Variants in L3MBTL4 observed in about 807,000 individuals in gnomAD.
The protein encoded by L3MBTL4 is L3MBTL histone methyl-lysine binding protein 4.
L3MBTL4 carries 70 observed loss-of-function variants against 84.5 expected under a neutral mutation model. The ratio of observed to expected loss-of-function variants is 0.83; its 90% CI spans 0.68 to 1.01. The LOEUF (loss-of-function observed/expected upper bound fraction) is 1.01, where lower values mean the gene tolerates loss of function less well. L3MBTL4 is among the 50% of genes least tolerant of loss of function. The pLI is 0.00. For synonymous variants in L3MBTL4, 274 were observed against 259.8 expected, an observed-to-expected ratio of 1.05 and a Z score of -0.52; for missense variants, 715 against 754.8, an observed-to-expected ratio of 0.95 and a Z score of 0.62.
At chr18:6,411,045 C>A (rs1568622996) in intron 1 of L3MBTL4, among the ~76,000 whole-genome samples, 3 of 152,140 alleles carry the variant, frequency 2.0e-5, no homozygotes, top group African/African-American at 4.8e-5. Context: ...TGGAAAAAAT[C>A]GTTTGTATTT....
intron 4 of L3MBTL4, among the ~76,000 whole-genome samples, chr18:6,296,340 A>T (rs2050109207): frequency 3.3e-5 from 5 of 152,226 alleles, no homozygotes; most frequent in Admixed American, 3.3e-4. Context: ...TGACTTCAGT[A>T]TAGTAAAGGA....
intron 1 of L3MBTL4, among the ~76,000 whole-genome samples, chr18:6,326,170 C>T (rs942882871): frequency 2.0e-5 from 3 of 152,130 alleles, no homozygotes; most frequent in Non-Finnish European, 4.4e-5. Flanking sequence ...ATTTCTAACT[C>T]CACTGAATGA....
At chr18:6,054,630 G>A (rs2056952369) in intron 16 of L3MBTL4, among the ~76,000 whole-genome samples, 1 of 152,056 alleles carries the variant, frequency 6.6e-6, no homozygotes, top group African/African-American at 2.4e-5. Context: ...TCCCAGCCCT[G>A]TGCTGCCCTT....
At chr18:6,026,133 A>G (rs1296717010) in intron 16 of L3MBTL4, among the ~76,000 whole-genome samples, 1 of 152,218 alleles carries the variant, frequency 6.6e-6, no homozygotes, top group Non-Finnish European at 1.5e-5. Flanking sequence ...TCTTTCTACA[A>G]TGAACATTCT....
intron 16 of L3MBTL4, chr18:6,029,508 T>TACAG (rs1165594485): frequency 1.0e-6 from 1 of 983,102 alleles, no homozygotes; most frequent in Non-Finnish European, 1.2e-6. Flanking sequence ...AATCTTTCCA[T>TACAG]ACAGACAATC....
chr18:6,284,361 CAT>C (rs1465046657), intron 4 of L3MBTL4, among the ~76,000 whole-genome samples: 1 of 152,206 alleles, frequency 6.6e-6, no homozygotes, highest in African/African-American at 2.4e-5. Context: ...ACGGAGCCCA[CAT>C]GTCAGACCCA....
intron 16 of L3MBTL4, among the ~76,000 whole-genome samples, chr18:6,061,770 T>C (rs2057230046): frequency 2.0e-5 from 3 of 151,972 alleles, no homozygotes; most frequent in Admixed American, 2.0e-4. Flanking sequence ...TCTTATCATA[T>C]CAATTATACT....
At chr18:6,021,281 T>C (rs1431988621) in intron 16 of L3MBTL4, among the ~76,000 whole-genome samples, 1 of 152,214 alleles carries the variant, frequency 6.6e-6, no homozygotes, top group Non-Finnish European at 1.5e-5. Flanking sequence ...AAGGAATATC[T>C]TGAACCCAAG....
chr18:6,234,548 C>A (rs1204605341), intron 10 of L3MBTL4, among the ~76,000 whole-genome samples: 1 of 151,930 alleles, frequency 6.6e-6, no homozygotes, highest in East Asian at 1.9e-4. Flanking sequence ...TTTATGCAGC[C>A]AATGGACACA....
chr18:5,976,370 CTG>C (rs1182263980), intron 16 of L3MBTL4, among the ~76,000 whole-genome samples: 1 of 152,212 alleles, frequency 6.6e-6, no homozygotes, highest in Admixed American at 6.5e-5. Context: ...CTTTCAAACT[CTG>C]TAAGTAGCCA....
chr18:6,276,669 AAC>A (rs2049093047), intron 4 of L3MBTL4, among the ~76,000 whole-genome samples: 2 of 151,288 alleles, frequency 1.3e-5, no homozygotes, highest in African/African-American at 4.9e-5. Context: ...AAAAAAAAAA[AAC>A]CCTACCTGTA....
At chr18:6,094,023 G>A (rs695210) in intron 14 of L3MBTL4, among the ~76,000 whole-genome samples, 1 of 152,184 alleles carries the variant, frequency 6.6e-6, no homozygotes, top group Non-Finnish European at 1.5e-5. Context: ...GCTTTGCTGG[G>A]AAGTTTTGGG....
At chr18:6,159,518 T>C (rs1475532298) in intron 13 of L3MBTL4, among the ~76,000 whole-genome samples, 2 of 152,222 alleles carry the variant, frequency 1.3e-5, no homozygotes, top group African/African-American at 2.4e-5. Context: ...ACACCTCTCC[T>C]GCATCTATTT....
At chr18:6,317,001 A>AAAATAAATAAATAAATAAAT (rs143668018) in intron 1 of L3MBTL4, among the ~76,000 whole-genome samples, 1 of 150,982 alleles carries the variant, frequency 6.6e-6, no homozygotes, top group African/African-American at 2.4e-5. Context: ...ATACTGGTAC[A>AAAATAAATAAATAAATAAAT]AAATAAATAA....
intron 12 of L3MBTL4, among the ~76,000 whole-genome samples, chr18:6,184,270 A>T (rs1256772024): frequency 6.6e-6 from 1 of 152,186 alleles, no homozygotes; most frequent in African/African-American, 2.4e-5. Flanking sequence ...CTGATTTTAC[A>T]TCCGTCACGG....
intron 16 of L3MBTL4, among the ~76,000 whole-genome samples, chr18:5,977,800 G>A (rs1460888526): frequency 6.6e-6 from 1 of 152,146 alleles, no homozygotes; most frequent in Admixed American, 6.5e-5. Flanking sequence ...TTGGGCTGGG[G>A]CACAGACTCC....
intron 4 of L3MBTL4, among the ~76,000 whole-genome samples, chr18:6,271,788 G>A (rs2048882454): frequency 1.3e-5 from 2 of 152,296 alleles, no homozygotes; most frequent in Middle Eastern, 6.8e-3. Flanking sequence ...AGAGACCTGG[G>A]GGCTCCTGGG....
chr18:6,332,422 G>A (rs2052086807), intron 1 of L3MBTL4, among the ~76,000 whole-genome samples: 1 of 152,158 alleles, frequency 6.6e-6, no homozygotes, highest in Non-Finnish European at 1.5e-5. Context: ...AGTTTGGGGA[G>A]TTTCATGCTG....
At chr18:6,410,481 A>G (rs751294276) in intron 1 of L3MBTL4, among the ~76,000 whole-genome samples, 96 of 151,724 alleles carry the variant, frequency 6.3e-4, no homozygotes, top group Non-Finnish European at 6.8e-4. Flanking sequence ...AAAATGCCTC[A>G]CCCCTAAGTT....
Sources: gnomAD v4.1 joint callset for allele counts (sites outside exome capture counted in the v4.1 genomes callset) on GRCh38, gnomAD v4.1.1 for gene constraint, MANE v1.5 for transcripts, NCBI Gene and HGNC (gene_info 2026-07-23, HGNC 2026-07-21) for gene names.